H3Y2: variants seen among roughly 807,000 people sequenced by gnomAD.
The protein encoded by H3Y2 is histone H3.X.
In H3Y2, 2 loss-of-function variants were observed where a neutral mutation model predicts 0.6. The observed-to-expected ratio is 3.36, with a 90% CI of 1.37 to 10.58. H3Y2 has a LOEUF of 10.58. Ranked by LOEUF, H3Y2 falls within the 30% of genes most tolerant of loss-of-function variation. The probability of loss-of-function intolerance (pLI) is 0.04; values close to 1 mark genes in which losing one functional copy is unlikely to be tolerated. For synonymous variants in H3Y2, 20 were observed against 7.8 expected, an observed-to-expected ratio of 2.56 and a Z score of -2.60; for missense variants, 36 against 19.1, an observed-to-expected ratio of 1.89 and a Z score of -1.66.
rs1579593654 is a variant in H3Y2 at position 17,491,852 on chromosome 5, G to A, written c.-84C>T. 2.5e-5 allele frequency: 10 copies of A among 398,464 alleles called. No individual in the cohort carries two copies. The East Asian group carries it at 3.2e-4, about 13-fold the overall frequency. The allele number at this position is 398,464 out of a possible 1,614,324, so 24.7% of individuals were successfully genotyped here. The stretch of plus-strand genomic sequence containing the variant: ...ACTGGCGTCAGAAAACAAGGGCAGT[G>A]GTGCTGTGGACAGGATTCAGAGAGC... On this transcript the variant is annotated 5_prime_UTR_variant, in exon 1 of 1. Transcript: ENST00000600799.
In H3Y2 at chr5:17,491,176, C is replaced by G. The variant is rs1738103610; in HGVS notation, c.*149G>C. Among the ~76,000 whole-genome samples the G allele has an allele frequency of 6.6e-6, 1 of 151,766 alleles. No homozygotes were observed. Among genetic ancestry groups the G allele is most frequent in the Non-Finnish European group, 1.5e-5 (1 of 68,038 alleles). ...AAACACAACTGCCACCTGATTTCTG[C>G]CTGCGTTTCCACTGGCAATCTTATG... On this transcript the variant is annotated 3_prime_UTR_variant, in exon 1 of 1. Transcript: ENST00000600799.
Position 17,491,924 on chromosome 5 carries a change from C to A in H3Y2, c.-156G>T, listed in dbSNP as rs1348887913. ...CAGGACTCTCCCACACACTTAACCCCTGCCAACCCAACCCCACACTTACCA... is the reference window on the plus strand; with the variant it reads ...CAGGACTCTCCCACACACTTAACCCATGCCAACCCAACCCCACACTTACCA... On this transcript the variant is annotated 5_prime_UTR_variant, in exon 1 of 1. It adds an upstream start codon to the 5' untranslated region. Coordinates refer to ENST00000600799, the MANE Select transcript of H3Y2 (RefSeq NM_001371919.1). Among the ~76,000 whole-genome samples, 2 of 151,744 alleles carry A rather than the reference C, an allele frequency of 1.3e-5. No individual in the cohort carries two copies. The highest frequency in any genetic ancestry group is 4.9e-5 in the African/African-American group (2 of 41,022).
At position 17,491,376 on chromosome 5, in the gene H3Y2, G is replaced by C; in HGVS notation, c.393C>G (p.Leu131=). The C allele has an allele frequency of 2.3e-6, 1 of 444,098 alleles. No individual in the cohort carries two copies. The highest frequency in any genetic ancestry group is 4.0e-6 in the Non-Finnish European group (1 of 249,430). 27.5% of individuals were successfully genotyped at this position (444,098 alleles called of 1,614,324 possible). A position where few individuals can be genotyped will look rare whatever the true frequency, so the allele number is the denominator to read the frequency against. ...TGGGCTCTCCGGCACCCTCTCCACGGAGGCGGCGGGCCAGCTGCATGTCTC... is the reference window on the plus strand; with the variant it reads ...TGGGCTCTCCGGCACCCTCTCCACGCAGGCGGCGGGCCAGCTGCATGTCTC... ...MPRDMQLARR[L]RGEGAGEPTL... Residue 131 remains leucine (L), a synonymous_variant, in exon 1 of 1, where the codon CTC becomes CTG. Transcript: ENST00000600799.
chr5:17,491,425 G>C lies in H3Y2; in HGVS notation c.344C>G (p.Ala115Gly), dbSNP rs1346834903. ...FEDTNLCAIH[A>G]RRVTIMPRDM... Reference sequence around the variant, plus strand: ...TCGGGGCATAATTGTGACGCGCCTGGCATGGATGGCACACAGGTTGGTGTC... The same window carrying C: ...TCGGGGCATAATTGTGACGCGCCTGCCATGGATGGCACACAGGTTGGTGTC... Residue 115 changes from alanine (A) to glycine (G), a missense_variant, in exon 1 of 1, where the codon GCC becomes GGC. Physicochemically the swap from Ala to Gly is moderately conservative, Grantham distance 60. Coordinates refer to ENST00000600799, the MANE Select transcript of H3Y2 (RefSeq NM_001371919.1). The C allele has an allele frequency of 1.9e-6, 1 of 519,600 alleles. No individual in the cohort carries two copies. Among genetic ancestry groups the C allele is most frequent in the East Asian group, 3.2e-5 (1 of 31,310 alleles). The allele number at this position is 519,600 out of a possible 1,614,324, so 32.2% of individuals were successfully genotyped here. A position where few individuals can be genotyped will look rare whatever the true frequency, so the allele number is the denominator to read the frequency against.
rs1229136877 is a variant in H3Y2, at chr5:17,491,915, A to C, written c.-147T>G. On this transcript the variant is annotated 5_prime_UTR_variant, in exon 1 of 1. Coordinates refer to ENST00000600799, the MANE Select transcript of H3Y2 (RefSeq NM_001371919.1). ...ATCCATGCGCAGGACTCTCCCACAC[A>C]CTTAACCCCTGCCAACCCAACCCCA... 1 of 397,108 alleles carries C rather than the reference A, an allele frequency of 2.5e-6. No individual in the cohort carries two copies. Among genetic ancestry groups the C allele is most frequent in the Non-Finnish European group, 4.4e-6 (1 of 226,110 alleles). 24.6% of individuals were successfully genotyped at this position (397,108 alleles called of 1,614,324 possible).
Position 17,491,779 on chromosome 5 carries a change from C to G in H3Y2, c.-11G>C. The G allele has an allele frequency of 2.5e-6, 1 of 400,830 alleles. No homozygotes were observed. Among genetic ancestry groups the G allele is most frequent in the Non-Finnish European group, 4.4e-6 (1 of 227,832 alleles). 24.8% of individuals were successfully genotyped at this position (400,830 alleles called of 1,614,324 possible). ...CTTGGTGCGCGCCATGTTGTGGGGC[C>G]TTGTGCTCTCTCCTCTCTGAGGCTG... On this transcript the variant is annotated 5_prime_UTR_variant, in exon 1 of 1. Coordinates refer to ENST00000600799, the MANE Select transcript of H3Y2 (RefSeq NM_001371919.1).
chr5:17,490,974 A>G lies in H3Y2; in HGVS notation c.*351T>C, dbSNP rs1056462098. ...CAATAAACATCTTTTAGCTCAGATT[A>G]ATAAGAAATTTATTTTGTTTACAGA... On this transcript the variant is annotated 3_prime_UTR_variant, in exon 1 of 1. Coordinates refer to ENST00000600799, the MANE Select transcript of H3Y2 (RefSeq NM_001371919.1). Among the ~76,000 whole-genome samples, 4 of 151,854 alleles carry G rather than the reference A, an allele frequency of 2.6e-5. No homozygotes were observed. The highest frequency in any genetic ancestry group is 6.5e-5 in the Admixed American group (1 of 15,274).
chr5:17,491,325 C>T lies in H3Y2; in HGVS notation c.444G>A (p.Ter148=), dbSNP rs1738106622. The T allele has an allele frequency of 4.9e-6, 2 of 408,946 alleles. No homozygotes were observed. Among genetic ancestry groups the T allele is most frequent in the Admixed American group, 4.4e-5 (1 of 22,864 alleles). The allele number at this position is 408,946 out of a possible 1,614,324, so 25.3% of individuals were successfully genotyped here. A position where few individuals can be genotyped will look rare whatever the true frequency, so the allele number is the denominator to read the frequency against. ...EPTLLGNLAL[*] Reference sequence around the variant, plus strand: ...CACAAGCAAACAGAAAAGAAGTCCTCTAGAGTGCAAGGTTTCCCAGGAGCG... The same window carrying T: ...CACAAGCAAACAGAAAAGAAGTCCTTTAGAGTGCAAGGTTTCCCAGGAGCG... The change falls in exon 1 of 1, where the codon TAG becomes TAA. Residue 148 remains the stop codon, a stop_retained_variant. Coordinates refer to ENST00000600799, the MANE Select transcript of H3Y2 (RefSeq NM_001371919.1).
Position 17,492,018 on chromosome 5 carries a change from T to G in H3Y2, c.-250A>C, listed in dbSNP as rs576023733. 6.6e-6 allele frequency among the ~76,000 whole-genome samples: 1 copy of G among 151,750 alleles called. No homozygotes were observed. Among genetic ancestry groups the G allele is most frequent in the Non-Finnish European group, 1.5e-5 (1 of 67,992 alleles). On this transcript the variant is annotated 5_prime_UTR_variant, in exon 1 of 1. Coordinates refer to ENST00000600799, the MANE Select transcript of H3Y2 (RefSeq NM_001371919.1). ...CGGAAGGTCTTGGGTTTCCTTGGTC[T>G]ACCCAGCAGCAGCCAGGAGTCTCCC...
chr5:17,491,798 G>C lies in H3Y2; in HGVS notation c.-30C>G. 2 of 399,988 alleles carry C rather than the reference G, an allele frequency of 5.0e-6. No homozygotes were observed. The highest frequency in any genetic ancestry group is 3.6e-5 in the East Asian group (1 of 28,068). 24.8% of individuals were successfully genotyped at this position (399,988 alleles called of 1,614,324 possible). A position where few individuals can be genotyped will look rare whatever the true frequency, so the allele number is the denominator to read the frequency against. Reference sequence around the variant, plus strand: ...TGGGGCCTTGTGCTCTCTCCTCTCTGAGGCTGAGCCTGGCCTGCTGCAGGC... The same window carrying C: ...TGGGGCCTTGTGCTCTCTCCTCTCTCAGGCTGAGCCTGGCCTGCTGCAGGC... On this transcript the variant is annotated 5_prime_UTR_variant, in exon 1 of 1. Coordinates refer to ENST00000600799, the MANE Select transcript of H3Y2 (RefSeq NM_001371919.1).
Position 17,491,868 on chromosome 5 carries a change from T to C in H3Y2, c.-100A>G, listed in dbSNP as rs1334649972. ...AAGGGCAGTGGTGCTGTGGACAGGA[T>C]TCAGAGAGCCTGTGAGTTGAGATCC... is the stretch of plus-strand genomic sequence containing the variant. On this transcript the variant is annotated 5_prime_UTR_variant, in exon 1 of 1. Coordinates refer to ENST00000600799, the MANE Select transcript of H3Y2 (RefSeq NM_001371919.1). The C allele has an allele frequency of 7.5e-6, 3 of 397,828 alleles. No individual in the cohort carries two copies. The highest frequency in any genetic ancestry group is 2.1e-5 in the African/African-American group (1 of 48,186). 24.6% of individuals were successfully genotyped at this position (397,828 alleles called of 1,614,324 possible). A position where few individuals can be genotyped will look rare whatever the true frequency, so the allele number is the denominator to read the frequency against.
Position 17,491,512 on chromosome 5 carries a change from T to C in H3Y2, c.257A>G (p.Gln86Arg). Residue 86 changes from glutamine (Q) to arginine (R), a missense_variant, in exon 1 of 1, where the codon CAG (glutamine) becomes CGG (arginine). Transcript: ENST00000600799. The stretch of plus-strand genomic sequence containing the variant: ...CTGCAGGGCGCCAATGGCCGCGCTC[T>C]GGAAGCGCAGGTCCGGGCTGATGGC... ...AQAISPDLRF[Q>R]SAAIGALQEA... The C allele has an allele frequency of 2.0e-6, 1 of 507,664 alleles. No individual in the cohort carries two copies. 31.4% of individuals were successfully genotyped at this position (507,664 alleles called of 1,614,324 possible).
At position 17,491,550 on chromosome 5, in the gene H3Y2, A is replaced by G. The variant is rs2459842; in HGVS notation, c.219T>C (p.Arg73=). Residue 73 remains arginine (R), a synonymous_variant, in exon 1 of 1, where the codon CGT becomes CGC. Transcript: ENST00000600799. ...CCGGGCTGATGGCCTGGGCGATCTC[A>G]CGCACCAGACGCTGGAAGGGCAGCT... ...LRKLPFQRLV[R]EIAQAISPDL... 318,930 of 460,524 alleles carry G rather than the reference A, an allele frequency of 0.69. 113,671 individuals carry two copies. Among genetic ancestry groups the G allele is most frequent in the Non-Finnish European group, 0.75 (192,913 of 255,704 alleles). 28.5% of individuals were successfully genotyped at this position (460,524 alleles called of 1,614,324 possible).
rs1421669678 is a variant in H3Y2, at chr5:17,491,216, G to C, written c.*109C>G. 2.5e-6 allele frequency: 1 copy of C among 393,352 alleles called. No individual in the cohort carries two copies. Among genetic ancestry groups the C allele is most frequent in the Non-Finnish European group, 4.5e-6 (1 of 223,826 alleles). 24.4% of individuals were successfully genotyped at this position (393,352 alleles called of 1,614,324 possible). ...GCAATCTTATGCTTAGCTACCTTTG[G>C]ACCCCCGGAGGGAAAAGAAACCAAA... On this transcript the variant is annotated 3_prime_UTR_variant, in exon 1 of 1. Coordinates refer to ENST00000600799, the MANE Select transcript of H3Y2 (RefSeq NM_001371919.1).
chr5:17,491,514 G>A lies in H3Y2; in HGVS notation c.255C>T (p.Phe85=). 1 of 508,280 alleles carries A rather than the reference G, an allele frequency of 2.0e-6. No individual in the cohort carries two copies. Among genetic ancestry groups the A allele is most frequent in the Non-Finnish European group, 3.5e-6 (1 of 285,956 alleles). The allele number at this position is 508,280 out of a possible 1,614,324, so 31.5% of individuals were successfully genotyped here. The change falls in exon 1 of 1, where the codon TTC becomes TTT. Residue 85 remains phenylalanine, a synonymous_variant. Coordinates refer to ENST00000600799, the MANE Select transcript of H3Y2 (RefSeq NM_001371919.1). ...IAQAISPDLR[F]QSAAIGALQE... ...GCAGGGCGCCAATGGCCGCGCTCTG[G>A]AAGCGCAGGTCCGGGCTGATGGCCT...
Position 17,491,521 on chromosome 5 carries a change from A to C in H3Y2, c.248T>G (p.Leu83Arg), listed in dbSNP as rs1372945611. The C allele has an allele frequency of 3.5e-5, 17 of 490,404 alleles. No homozygotes were observed. In the East Asian group the frequency reaches 5.3e-4, roughly 15 times the overall value. 30.4% of individuals were successfully genotyped at this position (490,404 alleles called of 1,614,324 possible). A position where few individuals can be genotyped will look rare whatever the true frequency, so the allele number is the denominator to read the frequency against. The change falls in exon 1 of 1, where the codon CTG becomes CGG. Residue 83 changes from leucine (L) to arginine (R), a missense_variant. Leu to Arg is a moderately radical substitution (Grantham distance 102). Coordinates refer to ENST00000600799, the MANE Select transcript of H3Y2 (RefSeq NM_001371919.1). ...GCCAATGGCCGCGCTCTGGAAGCGC[A>C]GGTCCGGGCTGATGGCCTGGGCGAT... ...REIAQAISPD[L>R]RFQSAAIGAL...
At position 17,491,202 on chromosome 5, in the gene H3Y2, C is replaced by G. The variant is rs960628052; in HGVS notation, c.*123G>C. 2.5e-4 allele frequency among the ~76,000 whole-genome samples: 38 copies of G among 151,702 alleles called. 1 individual carries two copies. Among genetic ancestry groups the G allele is most frequent in the Non-Finnish European group, 1.5e-4 (10 of 68,024 alleles). ...CTGCGTTTCCACTGGCAATCTTATG[C>G]TTAGCTACCTTTGGACCCCCGGAGG... On this transcript the variant is annotated 3_prime_UTR_variant, in exon 1 of 1. Transcript: ENST00000600799.
chr5:17,490,982 ATTTAT>A lies in H3Y2; in HGVS notation c.*338_*342del, dbSNP rs1738100568. 6.6e-6 allele frequency among the ~76,000 whole-genome samples: 1 copy of A among 151,778 alleles called. No homozygotes were observed. Among genetic ancestry groups the A allele is most frequent in the Non-Finnish European group, 1.5e-5 (1 of 68,030 alleles). On this transcript the variant is annotated 3_prime_UTR_variant, in exon 1 of 1. Coordinates refer to ENST00000600799, the MANE Select transcript of H3Y2 (RefSeq NM_001371919.1). The stretch of plus-strand genomic sequence containing the variant: ...ATCTTTTAGCTCAGATTAATAAGAA[ATTTAT>A]TTTGTTTACAGAACCCGTATGCAGA...
rs1738102822 is a variant in H3Y2, at chr5:17,491,113, C to A, written c.*212G>T. Among the ~76,000 whole-genome samples the A allele has an allele frequency of 6.6e-6, 1 of 151,578 alleles. No homozygotes were observed. The highest frequency in any genetic ancestry group is 2.4e-5 in the African/African-American group (1 of 40,986). Reference sequence around the variant, plus strand: ...CCACTTGACACTAGTACCTTGGGAGCCTCAAAGTAGATGAGACGTTTACTA... The same window carrying A: ...CCACTTGACACTAGTACCTTGGGAGACTCAAAGTAGATGAGACGTTTACTA... On this transcript the variant is annotated 3_prime_UTR_variant, in exon 1 of 1. Coordinates refer to ENST00000600799, the MANE Select transcript of H3Y2 (RefSeq NM_001371919.1).
Sources: allele counts gnomAD v4.1 joint callset (sites outside exome capture counted in the v4.1 genomes callset), GRCh38; gene constraint gnomAD v4.1.1; transcripts MANE v1.5; gene names NCBI Gene and HGNC (gene_info 2026-07-23, HGNC 2026-07-21).